Variants in MCTP1 observed in about 807,000 individuals in gnomAD.
MCTP1 encodes multiple C2 and transmembrane domain containing 1, also known as multiple C2 and transmembrane domain-containing protein 1.
In MCTP1, 69 loss-of-function variants were observed where a neutral mutation model predicts 120.6. The ratio of observed to expected loss-of-function variants is 0.57; its 90% CI spans 0.47 to 0.70. The LOEUF is 0.70. Ranked by LOEUF, MCTP1 falls within the 30% of genes least tolerant of loss-of-function variation. The pLI, the probability that MCTP1 is intolerant of heterozygous loss-of-function variation, is 0.00. For missense variants in MCTP1, 1,203 were observed against 1,248.8 expected, an observed-to-expected ratio of 0.96 and a Z score of 0.55; for synonymous variants, 529 against 493.1, an observed-to-expected ratio of 1.07 and a Z score of -0.96.
intron 3 of MCTP1, among the ~76,000 whole-genome samples, chr5:94,944,626 G>A (rs916708441): frequency 2.0e-5 from 3 of 152,110 alleles, no homozygotes; most frequent in Non-Finnish European, 4.4e-5. Context: ...CCAACTGGGC[G>A]ATTCAACATC....
intron 19 of MCTP1, among the ~76,000 whole-genome samples, chr5:94,762,879 A>T (rs970751091): frequency 3.3e-5 from 5 of 152,210 alleles, no homozygotes; most frequent in Admixed American, 3.3e-4. Context: ...GAGCATGGGA[A>T]TGATATTTCA....
At chr5:94,975,901 C>T (rs1827981704) in intron 2 of MCTP1, among the ~76,000 whole-genome samples, 1 of 152,090 alleles carries the variant, frequency 6.6e-6, no homozygotes, top group Non-Finnish European at 1.5e-5. Context: ...CACATTGAGG[C>T]CTTGCTGTTT....
intron 1 of MCTP1, among the ~76,000 whole-genome samples, chr5:95,087,001 T>C (rs904609022): frequency 2.0e-5 from 3 of 152,226 alleles, no homozygotes; most frequent in African/African-American, 7.2e-5. Context: ...GTTATATCTG[T>C]AGCTCTACAA....
At chr5:94,853,338 A>G (rs867614968) in intron 17 of MCTP1, among the ~76,000 whole-genome samples, 36 of 152,098 alleles carry the variant, frequency 2.4e-4, no homozygotes, top group African/African-American at 8.4e-4. Flanking sequence ...CCTGTGTTCC[A>G]GAGAATGGAC....
At chr5:95,151,801 C>T (rs1009718706) in intron 1 of MCTP1, among the ~76,000 whole-genome samples, 2 of 152,186 alleles carry the variant, frequency 1.3e-5, no homozygotes, top group Non-Finnish European at 2.9e-5. Context: ...CTTACTTTGG[C>T]ATTTCCTCTC....
At chr5:95,045,958 T>C (rs1214664212) in intron 1 of MCTP1, among the ~76,000 whole-genome samples, 1 of 152,112 alleles carries the variant, frequency 6.6e-6, no homozygotes, top group Non-Finnish European at 1.5e-5. Context: ...TTCTGTGAAA[T>C]GGAGATAATA....
chr5:94,708,947 A>C (rs944792747), intron 21 of MCTP1: 1 of 173,386 alleles, frequency 5.8e-6, no homozygotes, highest in Non-Finnish European at 1.2e-5. Flanking sequence ...TTGCTTTCCT[A>C]CTTTTTGGGT....
intron 1 of MCTP1, among the ~76,000 whole-genome samples, chr5:95,037,182 C>T (rs1253549738): frequency 6.6e-6 from 1 of 152,166 alleles, no homozygotes; most frequent in East Asian, 1.9e-4. Flanking sequence ...TGATCATACA[C>T]CTAGACTAGA....
chr5:95,144,982 CT>C (rs1760261478), intron 1 of MCTP1, among the ~76,000 whole-genome samples: 1 of 152,024 alleles, frequency 6.6e-6, no homozygotes, highest in Non-Finnish European at 1.5e-5. Flanking sequence ...CTGTAAATTG[CT>C]TTGGGAAATA....
At chr5:94,784,831 T>C (rs770636279) in intron 18 of MCTP1, 3 of 152,042 alleles carry the variant, frequency 2.0e-5, no homozygotes, top group Non-Finnish European at 4.4e-5. Flanking sequence ...TACTTACTGC[T>C]AAAAGACTTC....
intron 19 of MCTP1, among the ~76,000 whole-genome samples, chr5:94,771,019 G>T (rs890940676): frequency 6.6e-6 from 1 of 152,124 alleles, no homozygotes; most frequent in Non-Finnish European, 1.5e-5. Context: ...GCCCATTGCT[G>T]CCTCAAAACT....
chr5:95,158,642 A>G (rs1745378510), intron 1 of MCTP1, among the ~76,000 whole-genome samples: 1 of 152,148 alleles, frequency 6.6e-6, no homozygotes, highest in Non-Finnish European at 1.5e-5. Flanking sequence ...AAGCAAATTT[A>G]GGGACATGTG....
At chr5:95,048,084 G>A (rs1426099) in intron 1 of MCTP1, among the ~76,000 whole-genome samples, 131,644 of 152,194 alleles carry the variant, frequency 0.86, 58,093 homozygotes, top group South Asian at 0.97. Flanking sequence ...ACTGACTAAC[G>A]TAACTGCTGC....
chr5:94,859,116 A>C (rs1795253082), intron 17 of MCTP1, among the ~76,000 whole-genome samples: 1 of 151,626 alleles, frequency 6.6e-6, no homozygotes, highest in African/African-American at 2.4e-5. Flanking sequence ...TTAAGACAGA[A>C]ATAAAACTGT....
At chr5:94,900,839 A>G (rs758994516) in intron 10 of MCTP1, among the ~76,000 whole-genome samples, 4 of 152,252 alleles carry the variant, frequency 2.6e-5, no homozygotes, top group African/African-American at 7.2e-5. Flanking sequence ...TTTTTAAAAA[A>G]ATGCCTTCTC....
intron 13 of MCTP1, among the ~76,000 whole-genome samples, chr5:94,871,621 T>C (rs1293238935): frequency 6.6e-6 from 1 of 152,132 alleles, no homozygotes; most frequent in Non-Finnish European, 1.5e-5. Flanking sequence ...GGTTCTATTA[T>C]CTGTAACTTT....
At chr5:94,943,745 G>A (rs1232660316) in intron 3 of MCTP1, among the ~76,000 whole-genome samples, 3 of 151,964 alleles carry the variant, frequency 2.0e-5, no homozygotes, top group East Asian at 1.9e-4. Flanking sequence ...GAGAAAGTAA[G>A]GAAGTAAGTA....
intron 2 of MCTP1, among the ~76,000 whole-genome samples, chr5:95,006,262 T>C (rs1470239138): frequency 2.0e-5 from 3 of 151,752 alleles, no homozygotes; most frequent in Admixed American, 6.6e-5. Flanking sequence ...CATACACACA[T>C]ACACATAAAC....
intron 2 of MCTP1, among the ~76,000 whole-genome samples, chr5:94,980,623 G>T (rs541615838): frequency 6.6e-6 from 1 of 151,940 alleles, no homozygotes; most frequent in African/African-American, 2.4e-5. Context: ...TAAGGAAATG[G>T]CTAGTCCTTA....
Sources: allele counts gnomAD v4.1 joint callset (sites outside exome capture counted in the v4.1 genomes callset), GRCh38; gene constraint gnomAD v4.1.1; transcripts MANE v1.5; gene names NCBI Gene and HGNC (gene_info 2026-07-23, HGNC 2026-07-21).